PRDM16: variants seen among roughly 807,000 people sequenced by gnomAD.
PRDM16 encodes the protein histone-lysine N-methyltransferase PRDM16.
In PRDM16, 23 loss-of-function variants were observed where a neutral mutation model predicts 110.6. That is an observed-to-expected ratio of 0.21 (90% CI 0.15 to 0.29). The LOEUF (loss-of-function observed/expected upper bound fraction) is 0.29. Among genes scored for constraint, PRDM16 ranks in the 10% least tolerant of loss-of-function variants. The pLI, the probability that PRDM16 is intolerant of heterozygous loss-of-function variation, is 1.00. For synonymous variants in PRDM16, 799 were observed against 781.8 expected (o/e 1.02, Z -0.37); for missense variants, 1,615 against 1,794.3 (o/e 0.90, Z 1.81).
chr1:3,201,826 A>G lies in PRDM16; in HGVS notation c.387+15352A>G, dbSNP rs1204863389. ...TACCTCGGGTTGGTGTCTCCCGCCC[A>G]CTTCTGTGTCCACTGCAGAGCCTGC... On this transcript the variant is annotated intron_variant, in intron 2 of 16. Coordinates refer to ENST00000270722, the MANE Select transcript of PRDM16 (RefSeq NM_022114.4). The surrounding 1 kb of genome is among the most constrained non-coding windows in gnomAD (Gnocchi z 4.1). 6.6e-6 allele frequency among the ~76,000 whole-genome samples: 1 copy of G among 151,974 alleles called. No homozygotes were observed. Among genetic ancestry groups the G allele is most frequent in the African/African-American group, 2.4e-5 (1 of 41,352 alleles).
At chr1:3,185,862 C>A (rs551615194) in intron 1 of PRDM16, among the ~76,000 whole-genome samples, 2 of 152,196 alleles carry the variant, frequency 1.3e-5, no homozygotes, top group African/African-American at 4.8e-5. Flanking sequence ...CAGGGTGTGT[C>A]GGGCTGTGCC....
Position 3,206,285 on chromosome 1 carries a change from C to T in PRDM16, c.387+19811C>T, listed in dbSNP as rs1638750957. 6.6e-6 allele frequency: 1 copy of T among 152,264 alleles called. No individual in the cohort carries two copies. The highest frequency in any genetic ancestry group is 1.5e-5 in the Non-Finnish European group (1 of 68,080). 9.4% of individuals were successfully genotyped at this position (152,264 alleles called of 1,614,324 possible). A position where few individuals can be genotyped will look rare whatever the true frequency, so the allele number is the denominator to read the frequency against. The stretch of plus-strand genomic sequence containing the variant: ...ACAGAGGGCCCTTTCCCAGAGAGAC[C>T]ACCAGTGGGCCTGGACCCACGCCCT... On this transcript the variant is annotated intron_variant, in intron 2 of 16. Coordinates refer to ENST00000270722, the MANE Select transcript of PRDM16 (RefSeq NM_022114.4). This position sits in a 1 kb window ranked among gnomAD's most constrained non-coding sequence, Gnocchi z 4.9.
At position 3,435,418 on chromosome 1, in the gene PRDM16, C is replaced by T. The variant is rs1168029109; in HGVS notation, c.*1607C>T. On this transcript the variant is annotated 3_prime_UTR_variant, in exon 17 of 17. Coordinates refer to ENST00000270722, the MANE Select transcript of PRDM16 (RefSeq NM_022114.4). The stretch of plus-strand genomic sequence containing the variant: ...TTATGTGCCAAATACCCCCGTCCCC[C>T]CCATGAATCCTGCTGTCCCTGCTGC... 2 of 231,232 alleles carry T rather than the reference C, an allele frequency of 8.6e-6. No homozygotes were observed. The highest frequency in any genetic ancestry group is 6.1e-5 in the East Asian group (1 of 16,402). The allele number at this position is 231,232 out of a possible 1,614,324, so 14.3% of individuals were successfully genotyped here. A position where few individuals can be genotyped will look rare whatever the true frequency, so the allele number is the denominator to read the frequency against.
chr1:3,433,867 G>A lies in PRDM16; in HGVS notation c.*56G>A, dbSNP rs554026184. 82 of 1,594,208 alleles carry A rather than the reference G, an allele frequency of 5.1e-5. 2 individuals carry two copies. The South Asian group carries it at 6.7e-4, about 13-fold the overall frequency. ...AGCGAGGGCACCAGCCACGAAGGAC[G>A]GAGGCGGGCGGGGCCCCGGAGAACC... is the stretch of plus-strand genomic sequence containing the variant. On this transcript the variant is annotated 3_prime_UTR_variant, in exon 17 of 17. Coordinates refer to ENST00000270722, the MANE Select transcript of PRDM16 (RefSeq NM_022114.4).
intron 3 of PRDM16, among the ~76,000 whole-genome samples, chr1:3,310,593 TACTTGGTCCCCAA>T (rs1641428506): frequency 6.6e-6 from 1 of 152,136 alleles, no homozygotes; most frequent in Non-Finnish European, 1.5e-5. Context: ...CGAGCCGGGT[TACTTGGTCCCCAA>T]GTCCCTCCAC....
chr1:3,100,942 G>T (rs1472539143), intron 1 of PRDM16, among the ~76,000 whole-genome samples: 1 of 151,948 alleles, frequency 6.6e-6, no homozygotes, highest in Non-Finnish European at 1.5e-5. Context: ...GGTCATGTGG[G>T]TGCTGGCTGA....
At position 3,417,900 on chromosome 1, in the gene PRDM16, C is replaced by G. The variant is rs576629075; in HGVS notation, c.2764C>G (p.Leu922Val). ...AAMKADSGSS[L>V]QPLPHHPFNF... Reference sequence around the variant, plus strand: ...CATGAAGGCGGACTCGGGCAGCTCCCTGCAGCCCCTCCCCCACCACCCCTT... The same window carrying G: ...CATGAAGGCGGACTCGGGCAGCTCCGTGCAGCCCCTCCCCCACCACCCCTT... The change falls in exon 11 of 17, where the codon CTG (leucine) becomes GTG (valine). Residue 922 changes from leucine to valine, a missense_variant. By Grantham distance (32) the Leu-to-Val change is conservative (BLOSUM62 1). Coordinates refer to ENST00000270722, the MANE Select transcript of PRDM16 (RefSeq NM_022114.4). The G allele has an allele frequency of 6.2e-7, 1 of 1,612,924 alleles. No homozygotes were observed. The highest frequency in any genetic ancestry group is 1.7e-5 in the Admixed American group (1 of 60,020).
intron 3 of PRDM16, among the ~76,000 whole-genome samples, chr1:3,276,017 T>C (rs1640574961): frequency 6.6e-6 from 1 of 152,182 alleles, no homozygotes; most frequent in African/African-American, 2.4e-5. Flanking sequence ...TCTCACGCCG[T>C]GGGTGCCATT....
intron 1 of PRDM16, among the ~76,000 whole-genome samples, chr1:3,086,046 C>T (rs2742677): frequency 0.3 from 46,350 of 152,140 alleles, 7,660 homozygotes; most frequent in African/African-American, 0.42. Flanking sequence ...TCTCAGAATG[C>T]GTACACAGCT....
intron 3 of PRDM16, among the ~76,000 whole-genome samples, chr1:3,289,753 G>A (rs1007303511): frequency 6.6e-6 from 1 of 152,168 alleles, no homozygotes; most frequent in Non-Finnish European, 1.5e-5. Flanking sequence ...GGACAGCCAC[G>A]GCCTTCACAG....
At chr1:3,256,523 A>G (rs2100235848) in intron 3 of PRDM16, among the ~76,000 whole-genome samples, 1 of 152,322 alleles carries the variant, frequency 6.6e-6, no homozygotes, top group East Asian at 1.9e-4. Flanking sequence ...GGAACAATGT[A>G]CTGTCCACCT....
At chr1:3,418,317 C>G (rs1638328047) in intron 11 of PRDM16, among the ~76,000 whole-genome samples, 1 of 152,200 alleles carries the variant, frequency 6.6e-6, no homozygotes, top group African/African-American at 2.4e-5. Context: ...CCCAGTGCTA[C>G]AGCCTCAGCC....
rs533648997 is a variant in PRDM16 at position 3,244,181 on chromosome 1, C to T, written c.438+44C>T. The T allele has an allele frequency of 4.2e-5, 67 of 1,595,850 alleles. 1 individual carries two copies. The highest frequency in any genetic ancestry group is 3.2e-4 in the Admixed American group (19 of 59,952). ...CGCCGTCTCAGCTCCCCAGCGTCCTCGGAGCTCCTGGCGGGGCGACCGCCA... is the reference window on the plus strand; with the variant it reads ...CGCCGTCTCAGCTCCCCAGCGTCCTTGGAGCTCCTGGCGGGGCGACCGCCA... On this transcript the variant is annotated intron_variant, in intron 3 of 16. Coordinates refer to ENST00000270722, the MANE Select transcript of PRDM16 (RefSeq NM_022114.4). This position sits in a 1 kb window ranked among gnomAD's most constrained non-coding sequence, Gnocchi z 4.1.
At chr1:3,294,550 A>G (rs1641044760) in intron 3 of PRDM16, among the ~76,000 whole-genome samples, 1 of 151,876 alleles carries the variant, frequency 6.6e-6, no homozygotes, top group Admixed American at 6.6e-5. Flanking sequence ...CCTCCATTCC[A>G]GGGCCCCTGT....
In PRDM16 at chr1:3,425,731, C is replaced by T. The variant is rs768283494; in HGVS notation, c.3090C>T (p.His1030=). 16 of 1,613,710 alleles carry T rather than the reference C, an allele frequency of 9.9e-6. No individual in the cohort carries two copies. The Admixed American group carries it at 1.0e-4, about 10-fold the overall frequency. Residue 1030 remains histidine (H), a synonymous_variant, in exon 13 of 17, where the codon CAC becomes CAT. Coordinates refer to ENST00000270722, the MANE Select transcript of PRDM16 (RefSeq NM_022114.4). The surrounding 1 kb of genome is among the most constrained non-coding windows in gnomAD (Gnocchi z 6.9). ...QTNLDRHLKK[H]EHENAPVSQH... is the part of the protein sequence containing the mutation. ...ACCTGGACCGGCACCTCAAGAAGCA[C>T]GAGCACGAGAACGCACCAGGTGGGC...
intron 3 of PRDM16, chr1:3,307,828 T>C (rs1641348534): frequency 6.6e-6 from 1 of 152,148 alleles, no homozygotes; most frequent in Non-Finnish European, 1.5e-5. Context: ...CATCCTCCAC[T>C]TATAATCTTG....
chr1:3,332,814 G>T (rs974551503), intron 3 of PRDM16, among the ~76,000 whole-genome samples: 36 of 151,582 alleles, frequency 2.4e-4, no homozygotes, highest in African/African-American at 8.7e-4. Context: ...GGCAACTGCT[G>T]ACCCATCCCT....
At chr1:3,373,930 A>G (rs1642950451) in intron 3 of PRDM16, among the ~76,000 whole-genome samples, 1 of 152,224 alleles carries the variant, frequency 6.6e-6, no homozygotes, top group African/African-American at 2.4e-5. Context: ...ACCAGAGCCA[A>G]CCAAAGCCAA....
At chr1:3,431,160 C>T in intron 15 of PRDM16, 52 bp downstream of exon 15, 1 of 1,529,142 alleles carries the variant, frequency 6.5e-7, no homozygotes, top group Admixed American at 2.0e-5. Flanking sequence ...CGTGGGCGTC[C>T]ATCACGAGGG....
Sources: allele counts gnomAD v4.1 joint callset (sites outside exome capture counted in the v4.1 genomes callset), GRCh38; gene constraint gnomAD v4.1.1; non-coding constraint Gnocchi (gnomAD v3.1); transcripts MANE v1.5; gene names NCBI Gene and HGNC (gene_info 2026-07-23, HGNC 2026-07-21).